Variants in RSRC1 observed in about 807,000 individuals in gnomAD.
RSRC1 encodes arginine and serine rich coiled-coil 1.
Under a neutral mutation model 49.1 loss-of-function variants are expected in RSRC1, and 39 were observed. The ratio of observed to expected loss-of-function variants is 0.79; its 90% CI spans 0.61 to 1.04. The LOEUF (loss-of-function observed/expected upper bound fraction) is 1.04, where lower values mean the gene tolerates loss of function less well. Ranked by LOEUF, RSRC1 falls within the 50% of genes least tolerant of loss-of-function variation. The pLI is 0.00. For synonymous variants in RSRC1, 143 were observed against 130.8 expected (o/e 1.09, Z -0.63); for missense variants, 388 against 402.4 (o/e 0.96, Z 0.31).
At chr3:158,451,956 C>T (rs548739963) in intron 6 of RSRC1, among the ~76,000 whole-genome samples, 3 of 152,138 alleles carry the variant, frequency 2.0e-5, no homozygotes, top group African/African-American at 7.2e-5. Context: ...TTTTCTAATG[C>T]CATCTTAAAT....
intron 3 of RSRC1, among the ~76,000 whole-genome samples, chr3:158,192,761 T>C (rs567209588): frequency 6.6e-6 from 1 of 152,200 alleles, no homozygotes; most frequent in African/African-American, 2.4e-5. Context: ...ATAGGTGATA[T>C]GGTCTTCCTG....
intron 4 of RSRC1, among the ~76,000 whole-genome samples, chr3:158,288,064 G>GT (rs1185326818): frequency 6.6e-6 from 1 of 152,212 alleles, no homozygotes; most frequent in Admixed American, 6.5e-5. Flanking sequence ...ATGCACAACT[G>GT]TATGTGATGG....
intron 6 of RSRC1, among the ~76,000 whole-genome samples, chr3:158,416,057 C>G (rs1162974487): frequency 6.6e-6 from 1 of 151,872 alleles, no homozygotes; most frequent in Non-Finnish European, 1.5e-5. Context: ...TACTTGATAC[C>G]TATTTTATTT....
chr3:158,425,316 T>A (rs1391693847), intron 6 of RSRC1, among the ~76,000 whole-genome samples: 1 of 152,150 alleles, frequency 6.6e-6, no homozygotes, highest in Non-Finnish European at 1.5e-5. Context: ...CATCTTTATT[T>A]CTGCCTTCAT....
At chr3:158,528,434 C>T (rs1446289828) in intron 7 of RSRC1, among the ~76,000 whole-genome samples, 1 of 151,796 alleles carries the variant, frequency 6.6e-6, no homozygotes, top group Non-Finnish European at 1.5e-5. Flanking sequence ...AATTACATAT[C>T]TTGCTTTTGT....
intron 8 of RSRC1, among the ~76,000 whole-genome samples, chr3:158,542,703 G>T (rs536510602): frequency 6.6e-6 from 1 of 152,282 alleles, no homozygotes; most frequent in Admixed American, 6.5e-5. Context: ...AATGGTATGA[G>T]GTTTTGTGGG....
At chr3:158,213,645 C>A (rs1156445580) in intron 4 of RSRC1, among the ~76,000 whole-genome samples, 1 of 151,886 alleles carries the variant, frequency 6.6e-6, no homozygotes, top group East Asian at 1.9e-4. Flanking sequence ...CAGTCTTTGG[C>A]CCCTGTGGAT....
chr3:158,419,236 T>G (rs1025180610), intron 6 of RSRC1, among the ~76,000 whole-genome samples: 1 of 151,984 alleles, frequency 6.6e-6, no homozygotes, highest in African/African-American at 2.4e-5. Flanking sequence ...CCACAAAGAT[T>G]TCTCATGAAG....
chr3:158,482,362 C>T (rs1407101775), intron 7 of RSRC1, among the ~76,000 whole-genome samples: 2 of 151,972 alleles, frequency 1.3e-5, no homozygotes, highest in Non-Finnish European at 2.9e-5. Flanking sequence ...CTTTTGCCTG[C>T]GTAACATAAA....
chr3:158,445,759 A>G (rs1002541064), intron 6 of RSRC1, among the ~76,000 whole-genome samples: 25 of 152,126 alleles, frequency 1.6e-4, no homozygotes, highest in African/African-American at 5.8e-4. Context: ...AAACAGGCCA[A>G]TGATTATTAA....
intron 6 of RSRC1, among the ~76,000 whole-genome samples, chr3:158,404,867 C>T (rs1734078488): frequency 6.6e-6 from 1 of 151,770 alleles, no homozygotes; most frequent in Admixed American, 6.6e-5. Context: ...GAATACTTAC[C>T]TTAAAAAGTT....
intron 3 of RSRC1, among the ~76,000 whole-genome samples, chr3:158,150,524 G>A (rs895652410): frequency 5.9e-5 from 9 of 152,196 alleles, no homozygotes; most frequent in Non-Finnish European, 1.0e-4. Flanking sequence ...TTAATAAGCT[G>A]TCTGGTTGTG....
At chr3:158,477,798 T>A (rs867718146) in intron 7 of RSRC1, among the ~76,000 whole-genome samples, 64 of 89,708 alleles carry the variant, frequency 7.1e-4, no homozygotes, top group African/African-American at 2.8e-3. Context: ...CGGGAGGGAT[T>A]TATATATATA....
At chr3:158,219,282 T>G (rs907676881) in intron 4 of RSRC1, among the ~76,000 whole-genome samples, 18 of 151,596 alleles carry the variant, frequency 1.2e-4, no homozygotes, top group Middle Eastern at 3.2e-3. Context: ...TGGTTCTTCC[T>G]TTTTTTCTTT....
At chr3:158,133,345 AATT>A in intron 3 of RSRC1, among the ~76,000 whole-genome samples, 1 of 152,224 alleles carries the variant, frequency 6.6e-6, no homozygotes, top group East Asian at 1.9e-4. Context: ...CTTAGAGAGC[AATT>A]ATTTATTTTA....
intron 6 of RSRC1, among the ~76,000 whole-genome samples, chr3:158,404,835 G>T (rs1179783999): frequency 1.3e-5 from 2 of 151,764 alleles, no homozygotes; most frequent in Non-Finnish European, 1.5e-5. Flanking sequence ...TGTTCCATTT[G>T]TCCTCCCTCA....
chr3:158,254,117 A>C (rs1193534), intron 4 of RSRC1, among the ~76,000 whole-genome samples: 1 of 151,936 alleles, frequency 6.6e-6, no homozygotes, highest in Admixed American at 6.6e-5. Flanking sequence ...ATGGCTGCAT[A>C]GTATTCCATG....
intron 4 of RSRC1, among the ~76,000 whole-genome samples, chr3:158,286,743 C>T (rs188292636): frequency 8.5e-5 from 13 of 152,212 alleles, no homozygotes; most frequent in East Asian, 3.9e-4. Flanking sequence ...AGAACAACAA[C>T]GGAAGGAAGA....
In RSRC1 at chr3:158,493,768, G is replaced by C. The variant is rs181457699; in HGVS notation, c.652+32765G>C. 8.5e-5 allele frequency among the ~76,000 whole-genome samples: 13 copies of C among 152,266 alleles called. No homozygotes were observed. The East Asian group carries it at 2.5e-3, about 29-fold the overall frequency. ...AATGATCAGTTGGCCATCTGTGATT[G>C]ACTGAAGCTCAGCTACTGTGATAGG... On this transcript the variant is annotated intron_variant, in intron 7 of 9. Transcript: ENST00000611884.
Sources: gnomAD v4.1 joint callset for allele counts (sites outside exome capture counted in the v4.1 genomes callset) on GRCh38, gnomAD v4.1.1 for gene constraint, MANE v1.5 for transcripts, NCBI Gene and HGNC (gene_info 2026-07-23, HGNC 2026-07-21) for gene names.